The following HS6ST3 variants were observed in gnomAD, a reference collection of about 807,000 sequenced individuals.
HS6ST3 encodes heparan-sulfate 6-O-sulfotransferase 3.
Under a neutral mutation model 36.7 loss-of-function variants are expected in HS6ST3, and 12 were observed. The observed-to-expected ratio is 0.33, with a 90% CI of 0.21 to 0.53. HS6ST3 has a LOEUF of 0.53. Among genes scored for constraint, HS6ST3 ranks in the 20% least tolerant of loss-of-function variants. The pLI is 0.95. For missense variants in HS6ST3, 584 were observed against 640.9 expected, an observed-to-expected ratio of 0.91 and a Z score of 0.96; for synonymous variants, 240 against 257.5, an observed-to-expected ratio of 0.93 and a Z score of 0.65.
chr13:96,101,760 GC>G (rs1026542903), intron 1 of HS6ST3, among the ~76,000 whole-genome samples: 3 of 152,250 alleles, frequency 2.0e-5, no homozygotes, highest in Admixed American at 2.0e-4. Context: ...ATTTTGAGTT[GC>G]TGGAAACAAT....
intron 1 of HS6ST3, among the ~76,000 whole-genome samples, chr13:96,548,388 C>G (rs1050450017): frequency 6.6e-6 from 1 of 152,188 alleles, no homozygotes; most frequent in African/African-American, 2.4e-5. Flanking sequence ...CACACCGTAT[C>G]TCTGTAAGAG....
At position 96,464,138 on chromosome 13, in the gene HS6ST3, C is replaced by CAAAAAAAAAAAAAAAAA. The variant is rs67305199; in HGVS notation, c.708-368345_708-368329dup. The stretch of plus-strand genomic sequence containing the variant: ...TCCTCAGGAAAGGACTGTCAGGCCT[C>CAAAAAAAAAAAAAAAAA]AAAAAAAAAAAAAAAAAAAAAAATC... On this transcript the variant is annotated intron_variant, in intron 1 of 1. Transcript: ENST00000376705. Among the ~76,000 whole-genome samples, 94 of 38,784 alleles carry CAAAAAAAAAAAAAAAAA rather than the reference C, an allele frequency of 2.4e-3. 21 individuals are homozygous for CAAAAAAAAAAAAAAAAA. Among genetic ancestry groups the CAAAAAAAAAAAAAAAAA allele is most frequent in the East Asian group, 6.8e-3 (8 of 1,176 alleles). The allele number at this position is 38,784 out of a possible 152,430, so 25.4% of individuals were successfully genotyped here. A position where few individuals can be genotyped will look rare whatever the true frequency, so the allele number is the denominator to read the frequency against.
intron 1 of HS6ST3, among the ~76,000 whole-genome samples, chr13:96,820,240 GA>G (rs1878503107): frequency 6.6e-6 from 1 of 152,134 alleles, no homozygotes; most frequent in Non-Finnish European, 1.5e-5. Context: ...AAAGTAGTTT[GA>G]AAACTTAAAA....
chr13:96,678,004 C>A (rs2056705160), intron 1 of HS6ST3, among the ~76,000 whole-genome samples: 1 of 151,966 alleles, frequency 6.6e-6, no homozygotes, highest in Non-Finnish European at 1.5e-5. Flanking sequence ...AATTTATAAT[C>A]AATAGAAATG....
chr13:96,307,272 A>G (rs1052805741), intron 1 of HS6ST3, among the ~76,000 whole-genome samples: 9 of 152,162 alleles, frequency 5.9e-5, no homozygotes, highest in African/African-American at 2.2e-4. Flanking sequence ...ATCTTAGGCA[A>G]TTATTTGGAC....
At chr13:96,191,391 A>C (rs2054287890) in intron 1 of HS6ST3, among the ~76,000 whole-genome samples, 1 of 152,220 alleles carries the variant, frequency 6.6e-6, no homozygotes. Flanking sequence ...ACTGTGCTAC[A>C]GTCCTTGTAG....
chr13:96,196,913 G>T (rs1322341495), intron 1 of HS6ST3, among the ~76,000 whole-genome samples: 1 of 152,184 alleles, frequency 6.6e-6, no homozygotes, highest in Non-Finnish European at 1.5e-5. Context: ...TCAGAGTTAG[G>T]AAGTGCCTTC....
intron 1 of HS6ST3, among the ~76,000 whole-genome samples, chr13:96,633,088 G>A (rs2056537368): frequency 6.6e-6 from 1 of 152,140 alleles, no homozygotes. Context: ...AATTGGCAGT[G>A]TGCCTCACCC....
intron 1 of HS6ST3, among the ~76,000 whole-genome samples, chr13:96,125,909 T>G (rs2053948481): frequency 6.6e-6 from 1 of 152,130 alleles, no homozygotes; most frequent in South Asian, 2.1e-4. Context: ...TAGGTATATC[T>G]CCTAAAGCTA....
intron 1 of HS6ST3, among the ~76,000 whole-genome samples, chr13:96,606,629 G>A (rs1410604366): frequency 7.1e-6 from 1 of 139,998 alleles, no homozygotes; most frequent in African/African-American, 2.7e-5. Flanking sequence ...GAGGGAGGGA[G>A]GGAGGGAGGG....
intron 1 of HS6ST3, among the ~76,000 whole-genome samples, chr13:96,633,781 C>T (rs1372852705): frequency 6.6e-6 from 1 of 152,132 alleles, no homozygotes; most frequent in Non-Finnish European, 1.5e-5. Flanking sequence ...GCATCAAGAA[C>T]AGGCAGAATG....
chr13:96,769,403 G>A (rs1178537381), intron 1 of HS6ST3, among the ~76,000 whole-genome samples: 1 of 149,060 alleles, frequency 6.7e-6, no homozygotes, highest in Non-Finnish European at 1.5e-5. Flanking sequence ...CCACTAACTC[G>A]TCATCTAGCA....
intron 1 of HS6ST3, among the ~76,000 whole-genome samples, chr13:96,399,755 C>T (rs934414153): frequency 9.2e-5 from 14 of 152,188 alleles, no homozygotes; most frequent in African/African-American, 3.1e-4. Flanking sequence ...TTCTTACGGG[C>T]TTTCAACAGA....
chr13:96,739,761 C>G (rs1594849275), intron 1 of HS6ST3, among the ~76,000 whole-genome samples: 1 of 152,282 alleles, frequency 6.6e-6, no homozygotes, highest in Non-Finnish European at 1.5e-5. Context: ...CCAGCGCAGC[C>G]CACCAGAATG....
chr13:96,787,677 T>C (rs146386656), intron 1 of HS6ST3, among the ~76,000 whole-genome samples: 1 of 152,170 alleles, frequency 6.6e-6, no homozygotes, highest in East Asian at 1.9e-4. Flanking sequence ...TTGAATGATA[T>C]GTGATTTGCA....
chr13:96,112,839 T>C (rs2053877334), intron 1 of HS6ST3, among the ~76,000 whole-genome samples: 1 of 151,622 alleles, frequency 6.6e-6, no homozygotes, highest in African/African-American at 2.4e-5. Context: ...AGAAGAGGAC[T>C]GGTGGAGGGT....
intron 1 of HS6ST3, among the ~76,000 whole-genome samples, chr13:96,492,562 C>T (rs1594792853): frequency 6.6e-6 from 1 of 152,300 alleles, no homozygotes; most frequent in African/African-American, 2.4e-5. Flanking sequence ...CCAGTGTCTG[C>T]GGATAGACAA....
At chr13:96,609,086 C>T (rs1040967336) in intron 1 of HS6ST3, among the ~76,000 whole-genome samples, 14 of 152,080 alleles carry the variant, frequency 9.2e-5, no homozygotes, top group Non-Finnish European at 1.5e-4. Context: ...TCTCCTGCCT[C>T]AGCCTCCCGA....
intron 1 of HS6ST3, among the ~76,000 whole-genome samples, chr13:96,758,232 G>T (rs1446051086): frequency 6.6e-6 from 1 of 151,774 alleles, no homozygotes; most frequent in African/African-American, 2.4e-5. Context: ...CAATAAAGTT[G>T]TTCCTTTTAA....
Sources: allele counts gnomAD v4.1 joint callset (sites outside exome capture counted in the v4.1 genomes callset), GRCh38; gene constraint gnomAD v4.1.1; transcripts MANE v1.5; gene names NCBI Gene and HGNC (gene_info 2026-07-23, HGNC 2026-07-21).